MLLT10: variants seen among roughly 807,000 people sequenced by gnomAD.
MLLT10 encodes protein AF-10.
A neutral mutation model predicts 129.1 loss-of-function variants in MLLT10; 30 were observed. The observed-to-expected ratio is 0.23, with a 90% CI of 0.17 to 0.32. The LOEUF (loss-of-function observed/expected upper bound fraction) is 0.32. Ranked by LOEUF, MLLT10 falls within the 10% of genes least tolerant of loss-of-function variation. The probability of loss-of-function intolerance (pLI) is 1.00; values close to 1 mark genes in which losing one functional copy is unlikely to be tolerated. For missense variants in MLLT10, 1,119 were observed against 1,268.3 expected, an observed-to-expected ratio of 0.88 and a Z score of 1.79; for synonymous variants, 490 against 446.4, an observed-to-expected ratio of 1.10 and a Z score of -1.23.
In MLLT10 at chr10:21,741,998, C is replaced by G. The variant is rs777318624; in HGVS notation, c.*15C>G. 1 of 1,611,772 alleles carries G rather than the reference C, an allele frequency of 6.2e-7. No homozygotes were observed. Among genetic ancestry groups the G allele is most frequent in the Non-Finnish European group, 8.5e-7 (1 of 1,179,388 alleles). On this transcript the variant is annotated 3_prime_UTR_variant, in exon 23 of 23. Transcript: ENST00000307729. ...AGAAAAGTTGACACCTGAGAAACAT[C>G]TAGAAATTGCCTATCCTGCTGTTCT...
At chr10:21,690,690 T>C (rs1412743164) in intron 13 of MLLT10, among the ~76,000 whole-genome samples, 1 of 152,100 alleles carries the variant, frequency 6.6e-6, no homozygotes, top group Non-Finnish European at 1.5e-5. Context: ...TGTGCCTGCC[T>C]GTCTGTCATT....
At position 21,733,906 on chromosome 10, in the gene MLLT10, G is replaced by A. The variant is rs778853839; in HGVS notation, c.2635G>A (p.Ala879Thr). ...QVNGVTVGAL[A>T]SGMQPVTSTI... ...CAATGGCGTGACAGTGGGGGCACTA[G>A]CTAGTGGAATGCAGCCTGTAACTTC... The change falls in exon 20 of 23, where the codon GCT becomes ACT. Residue 879 changes from alanine to threonine, a missense_variant. Physicochemically the swap from Ala to Thr is moderately conservative, Grantham distance 58. Around this residue, in one of 5 missense-constraint regions of MLLT10, gnomAD observed 1,004 missense variants for 1,008.7 expected, o/e 1.00. Coordinates refer to ENST00000307729, the MANE Select transcript of MLLT10 (RefSeq NM_001195626.3). 3.1e-6 allele frequency: 5 copies of A among 1,614,078 alleles called. No individual in the cohort carries two copies. In the Admixed American group the frequency reaches 6.7e-5, roughly 22 times the overall value.
At chr10:21,741,068 C>CT in intron 22 of MLLT10, among the ~76,000 whole-genome samples, 1 of 152,268 alleles carries the variant, frequency 6.6e-6, no homozygotes, top group East Asian at 1.9e-4. Context: ...GTTTACTGTG[C>CT]TTTTAGTCTT....
intron 3 of MLLT10, among the ~76,000 whole-genome samples, chr10:21,554,036 C>T (rs2037509486): frequency 6.6e-6 from 1 of 152,132 alleles, no homozygotes; most frequent in South Asian, 2.1e-4. Context: ...CTGATACTCA[C>T]GATGGTGTGC....
At position 21,556,562 on chromosome 10, in the gene MLLT10, C is replaced by T. The variant is rs945387491; in HGVS notation, c.240+17650C>T. The T allele has an allele frequency of 5.5e-6, 6 of 1,091,952 alleles. No homozygotes were observed. In the African/African-American group the frequency reaches 9.5e-5, roughly 17 times the overall value. The allele number at this position is 1,091,952 out of a possible 1,614,324, so 67.6% of individuals were successfully genotyped here. ...CATTTACCCTCTCTAGGAAATTAAG[C>T]TTTGCAGTTTTCTAGGGCAGGTGAG... On this transcript the variant is annotated intron_variant, in intron 3 of 22. Transcript: ENST00000307729.
chr10:21,595,214 A>G (rs1333694633), intron 4 of MLLT10, 117 bp from the exon 5 acceptor site: 5 of 647,358 alleles, frequency 7.7e-6, no homozygotes, highest in Non-Finnish European at 1.3e-5. Flanking sequence ...AGAATTTGTT[A>G]ATGTCCTTGT....
chr10:21,603,302 G>A (rs1459112757), intron 5 of MLLT10, among the ~76,000 whole-genome samples: 1 of 150,362 alleles, frequency 6.7e-6, no homozygotes, highest in South Asian at 2.1e-4. Context: ...CCTGATATCA[G>A]GTGATTTGCC....
intron 5 of MLLT10, among the ~76,000 whole-genome samples, chr10:21,598,810 G>A (rs1165258682): frequency 6.6e-6 from 1 of 151,646 alleles, no homozygotes; most frequent in Admixed American, 6.6e-5. Context: ...TTGAGTCCTG[G>A]AGGCAGAGAG....
intron 8 of MLLT10, among the ~76,000 whole-genome samples, chr10:21,639,514 G>A (rs1454797060): frequency 6.6e-6 from 1 of 152,180 alleles, no homozygotes; most frequent in African/African-American, 2.4e-5. Flanking sequence ...ATATTACGAA[G>A]TATACAGATG....
chr10:21,734,137 A>G lies in MLLT10; in HGVS notation c.2858+8A>G, dbSNP rs1378390296. 2 of 1,584,042 alleles carry G rather than the reference A, an allele frequency of 1.3e-6. No homozygotes were observed. Among genetic ancestry groups the G allele is most frequent in the African/African-American group, 1.4e-5 (1 of 74,018 alleles). ...AGCTACACTGACTAACAGGTAAGAA[A>G]CTTAAGTATGTTTTGGGTTTTTTAG... On this transcript the variant is annotated splice_region_variant and intron_variant, in intron 20 of 22. Transcript: ENST00000307729.
chr10:21,617,981 A>G (rs1336335553), intron 8 of MLLT10, among the ~76,000 whole-genome samples: 3 of 152,152 alleles, frequency 2.0e-5, no homozygotes, highest in Non-Finnish European at 4.4e-5. Flanking sequence ...GCCAGTGCAC[A>G]CCAGCTTGGG....
At chr10:21,726,057 T>C (rs574504018) in intron 14 of MLLT10, among the ~76,000 whole-genome samples, 187 bp from the exon 15 acceptor site, 125 of 152,278 alleles carry the variant, frequency 8.2e-4, no homozygotes, top group Middle Eastern at 3.4e-3. Flanking sequence ...GGCCTAGTTA[T>C]GTAACTTTTA....
intron 7 of MLLT10, among the ~76,000 whole-genome samples, chr10:21,615,260 C>T (rs1215188205): frequency 2.0e-5 from 3 of 151,552 alleles, no homozygotes; most frequent in Non-Finnish European, 2.9e-5. Context: ...GAATTGGAGA[C>T]CAGCCTGACC....
intron 14 of MLLT10, among the ~76,000 whole-genome samples, chr10:21,718,858 G>C (rs2131539269): frequency 6.6e-6 from 1 of 152,226 alleles, no homozygotes; most frequent in East Asian, 1.9e-4. Context: ...TGAGTACCTG[G>C]GACTACACAC....
At chr10:21,547,311 C>A (rs1156519073) in intron 3 of MLLT10, among the ~76,000 whole-genome samples, 8 of 151,958 alleles carry the variant, frequency 5.3e-5, no homozygotes, top group Non-Finnish European at 1.0e-4. Context: ...TCCGTTTGAA[C>A]AAAACAAAGG....
intron 3 of MLLT10, among the ~76,000 whole-genome samples, chr10:21,546,884 C>T (rs1291109052): frequency 2.6e-5 from 4 of 152,098 alleles, no homozygotes; most frequent in Admixed American, 2.0e-4. Flanking sequence ...TGCGCCACCA[C>T]ACCTGGCTGA....
intron 13 of MLLT10, 94 bp downstream of exon 13, chr10:21,682,351 T>C (rs750523884): frequency 2.0e-5 from 24 of 1,226,810 alleles, no homozygotes; most frequent in Admixed American, 4.3e-5. Context: ...GTTCTATTGA[T>C]TAGATGAAAT....
intron 13 of MLLT10, among the ~76,000 whole-genome samples, chr10:21,696,988 T>A (rs2054427438): frequency 6.6e-6 from 1 of 151,110 alleles, no homozygotes; most frequent in South Asian, 2.1e-4. Context: ...AGACTCTACA[T>A]GAGTTGACTC....
intron 3 of MLLT10, among the ~76,000 whole-genome samples, chr10:21,565,619 T>G (rs2039451100): frequency 6.6e-6 from 1 of 151,432 alleles, no homozygotes; most frequent in African/African-American, 2.4e-5. Flanking sequence ...TTTTTTTTTT[T>G]TTTTGAGACA....
Sources: allele counts gnomAD v4.1 joint callset (sites outside exome capture counted in the v4.1 genomes callset), GRCh38; gene constraint gnomAD v4.1.1; regional missense constraint gnomAD v4.1.1; transcripts MANE v1.5; gene names NCBI Gene and HGNC (gene_info 2026-07-23, HGNC 2026-07-21).